ITFG2: variants seen among roughly 807,000 people sequenced by gnomAD.
ITFG2 encodes the protein integrin alpha FG-GAP repeat containing 2.
ITFG2 carries 36 observed loss-of-function variants against 54.4 expected under a neutral mutation model. That is an observed-to-expected ratio of 0.66 (90% CI 0.51 to 0.87). The LOEUF (loss-of-function observed/expected upper bound fraction) is 0.87. Ranked by LOEUF, ITFG2 falls within the 40% of genes least tolerant of loss-of-function variation. ITFG2 has a pLI of 0.00. For synonymous variants in ITFG2, 211 were observed against 225.4 expected (o/e 0.94, Z 0.57); for missense variants, 524 against 576.7 (o/e 0.91, Z 0.94).
upstream of ITFG2, chr12:2,834,662 G>A: frequency 1.2e-6 from 2 of 1,602,498 alleles, no homozygotes; most frequent in South Asian, 1.1e-5. Context: ...GAGGTGCCGA[G>A]CCTCTTGAGG....
chr12:2,859,593 A>G (rs766342084), exon 4 of ITFG2: 7 of 1,613,738 alleles, frequency 4.3e-6, no homozygotes, highest in East Asian at 2.2e-5. Flanking sequence ...CCCTTCTCCA[A>G]ACAGGAGTTT....
chr12:2,818,376 A>T, intron 4 of ITFG2, 99 bp downstream of exon 4: 1 of 1,557,206 alleles, frequency 6.4e-7, no homozygotes, highest in Non-Finnish European at 8.6e-7. Flanking sequence ...ATCCGTATTC[A>T]TGTATGCATT....
chr12:2,858,446 G>A (rs1042322059), intron 3 of ITFG2: 2 of 563,798 alleles, frequency 3.5e-6, no homozygotes, highest in Non-Finnish European at 6.3e-6. Context: ...AGAGGAATCA[G>A]ATACTCTTGG....
At chr12:2,858,466 G>A in intron 3 of ITFG2, 1 of 594,834 alleles carries the variant, frequency 1.7e-6, no homozygotes, top group East Asian at 2.8e-5. Flanking sequence ...GGGAACACAA[G>A]GTCCCAGCAG....
chr12:2,816,605 A>G (rs1230193982), intron 1 of ITFG2, among the ~76,000 whole-genome samples: 2 of 149,754 alleles, frequency 1.3e-5, no homozygotes, highest in Non-Finnish European at 3.0e-5. Context: ...CTGGGATTAC[A>G]GGCATGAGCC....
intron 2 of ITFG2, 185 bp from the exon 3 acceptor site, chr12:2,817,724 G>A (rs1292083780): frequency 5.4e-6 from 3 of 559,882 alleles, no homozygotes; most frequent in Non-Finnish European, 9.3e-6. Flanking sequence ...TCATGTTGCT[G>A]TCTGGGTAAA....
At chr12:2,857,022 G>A in intron 2 of ITFG2, 1 of 702,962 alleles carries the variant, frequency 1.4e-6, no homozygotes. Flanking sequence ...CCGGTTACTG[G>A]CCATTCTTCT....
intron 2 of ITFG2, among the ~76,000 whole-genome samples, chr12:2,851,240 G>GGTGA (rs2098069934): frequency 6.6e-6 from 1 of 152,054 alleles, no homozygotes; most frequent in African/African-American, 2.4e-5. Flanking sequence ...AGTTGCTCTG[G>GGTGA]GTGAGTGAGT....
intron 2 of ITFG2, among the ~76,000 whole-genome samples, chr12:2,847,287 A>G (rs1180946309): frequency 6.6e-6 from 1 of 152,164 alleles, no homozygotes; most frequent in African/African-American, 2.4e-5. Context: ...TCCCTTCCCA[A>G]TGTTGTGCTG....
chr12:2,849,308 G>A lies in ITFG2; in HGVS notation n.300+8313G>A, dbSNP rs1352206860. On this transcript the variant is annotated intron_variant and non_coding_transcript_variant, in intron 2 of 3. Transcript: ENST00000537710. ...TGTGCCTTGGAGAGATGGTGGAGGG[G>A]TAAGGCAGTTCTGTCCTTTATCAGG... The A allele has an allele frequency of 3.3e-6, 5 of 1,536,034 alleles. No individual in the cohort carries two copies. In the South Asian group the frequency reaches 3.6e-5, roughly 11 times the overall value.
chr12:2,854,687 C>T (rs187079893), intron 2 of ITFG2, among the ~76,000 whole-genome samples: 95 of 152,246 alleles, frequency 6.2e-4, no homozygotes, highest in South Asian at 1.9e-3. Context: ...ATAGCTGTCC[C>T]CCAGATTTTA....
upstream of ITFG2, among the ~76,000 whole-genome samples, chr12:2,834,220 A>G (rs982592375): frequency 4.6e-5 from 7 of 152,196 alleles, no homozygotes; most frequent in African/African-American, 1.7e-4. Flanking sequence ...AGGAGAAAGG[A>G]CAAGTGGATA....
intron 5 of ITFG2, 102 bp from the exon 6 acceptor site, chr12:2,820,622 G>GGCCCAGGGCC: frequency 2.3e-6 from 1 of 425,532 alleles, no homozygotes; most frequent in African/African-American, 2.1e-5. Context: ...CTGCTGCCCT[G>GGCCCAGGGCC]CCCCTGCCCC....
upstream of ITFG2, among the ~76,000 whole-genome samples, chr12:2,835,947 G>A (rs191745486): frequency 2.1e-4 from 32 of 152,222 alleles, no homozygotes; most frequent in Middle Eastern, 6.8e-3. Context: ...TCATCCATAC[G>A]GTATGCCCAG....
chr12:2,841,527 G>A (rs1308887034), intron 2 of ITFG2, among the ~76,000 whole-genome samples: 1 of 152,134 alleles, frequency 6.6e-6, no homozygotes, highest in African/African-American at 2.4e-5. Context: ...GACAGTTATT[G>A]GTGATCCTAA....
chr12:2,833,586 C>T (rs758889819), upstream of ITFG2, among the ~76,000 whole-genome samples: 7 of 152,100 alleles, frequency 4.6e-5, no homozygotes, highest in Non-Finnish European at 1.0e-4. Flanking sequence ...CCTGTCAGTA[C>T]AGGCCTGGTT....
upstream of ITFG2, chr12:2,835,156 C>CATAT: frequency 1.5e-6 from 2 of 1,299,412 alleles, no homozygotes; most frequent in Middle Eastern, 2.9e-4. Flanking sequence ...GTGGATGGGG[C>CATAT]GTATGTGTGT....
chr12:2,843,491 T>C (rs2098046232), intron 2 of ITFG2, among the ~76,000 whole-genome samples: 1 of 152,228 alleles, frequency 6.6e-6, no homozygotes. Flanking sequence ...GAGCATGGCA[T>C]GGTGAACTCA....
downstream of ITFG2, chr12:2,825,575 C>T (rs2097962621): frequency 6.6e-6 from 1 of 152,624 alleles, no homozygotes; most frequent in Non-Finnish European, 1.5e-5. Flanking sequence ...TCCTTTCCTT[C>T]TGAGGGCAGG....
Sources: gnomAD v4.1 joint callset for allele counts (sites outside exome capture counted in the v4.1 genomes callset) on GRCh38, gnomAD v4.1.1 for gene constraint, MANE v1.5 for transcripts, NCBI Gene and HGNC (gene_info 2026-07-23, HGNC 2026-07-21) for gene names.